The following DAB2IP variants were observed in gnomAD, a reference collection of about 807,000 sequenced individuals.
DAB2IP encodes the protein DAB2 interacting protein, also known as disabled homolog 2-interacting protein.
A neutral mutation model predicts 107.2 loss-of-function variants in DAB2IP; 28 were observed. That is an observed-to-expected ratio of 0.26 (90% CI 0.19 to 0.36). DAB2IP has a LOEUF of 0.36. Among genes scored for constraint, DAB2IP ranks in the 10% least tolerant of loss-of-function variants. The pLI is 1.00. For synonymous variants in DAB2IP, 755 were observed against 706.4 expected (o/e 1.07, Z -1.09); for missense variants, 1,400 against 1,644.7 (o/e 0.85, Z 2.57).
intron 2 of DAB2IP, among the ~76,000 whole-genome samples, chr9:121,682,430 C>A (rs1366575360): frequency 6.6e-6 from 1 of 152,210 alleles, no homozygotes; most frequent in Non-Finnish European, 1.5e-5. Flanking sequence ...GCCTGTCCAC[C>A]TTCTCCATGG....
intron 3 of DAB2IP, among the ~76,000 whole-genome samples, chr9:121,743,881 C>T (rs1185189892): frequency 6.6e-6 from 1 of 152,234 alleles, no homozygotes; most frequent in South Asian, 2.1e-4. Context: ...CCCTGCCCCT[C>T]TACGCAGACA....
At position 121,699,216 on chromosome 9, in the gene DAB2IP, C is replaced by T. The variant is rs1302802529; in HGVS notation, c.229-109C>T. ...GGGGCCGAGCCCGAGCCCGGCCCGC[C>T]CTCGGCCGCGCGGCCGCCCAGCAAG... On this transcript the variant is annotated intron_variant, in intron 2 of 15. Transcript: ENST00000408936. The surrounding 1 kb of genome is among the most constrained non-coding windows in gnomAD (Gnocchi z 6.2). 9 of 997,404 alleles carry T rather than the reference C, an allele frequency of 9.0e-6. No individual in the cohort carries two copies. The highest frequency in any genetic ancestry group is 1.1e-5 in the Non-Finnish European group (9 of 839,522). The allele number at this position is 997,404 out of a possible 1,614,324, so 61.8% of individuals were successfully genotyped here. A position where few individuals can be genotyped will look rare whatever the true frequency, so the allele number is the denominator to read the frequency against.
intron 1 of DAB2IP, among the ~76,000 whole-genome samples, chr9:121,571,939 C>T (rs1829953972): frequency 6.6e-6 from 1 of 151,862 alleles, no homozygotes; most frequent in African/African-American, 2.4e-5. Context: ...CCCTGCAGAG[C>T]CCTTGTGATT....
intron 3 of DAB2IP, chr9:121,751,758 G>A (rs76217455): frequency 0.022 from 3,772 of 169,098 alleles, 167 homozygotes; most frequent in African/African-American, 0.085. Flanking sequence ...CATGCCAGGC[G>A]GAGTGGCTTG....
chr9:121,767,177 G>C (rs1196245957), intron 9 of DAB2IP, among the ~76,000 whole-genome samples: 1 of 152,228 alleles, frequency 6.6e-6, no homozygotes, highest in Admixed American at 6.5e-5. Flanking sequence ...GGATGTCTTT[G>C]CTGATAAAGC....
At chr9:121,603,021 T>C (rs926537958) in intron 1 of DAB2IP, among the ~76,000 whole-genome samples, 3 of 152,210 alleles carry the variant, frequency 2.0e-5, no homozygotes, top group African/African-American at 7.2e-5. Flanking sequence ...GCTCAGTTTT[T>C]TCACCCAGAG....
At chr9:121,604,162 G>A (rs559022344) in intron 1 of DAB2IP, among the ~76,000 whole-genome samples, 4 of 152,282 alleles carry the variant, frequency 2.6e-5, no homozygotes, top group African/African-American at 9.6e-5. Context: ...CCCACTGCAG[G>A]CCCTCTCAGC....
chr9:121,582,082 A>AG (rs1374911611), intron 1 of DAB2IP, among the ~76,000 whole-genome samples: 1 of 152,030 alleles, frequency 6.6e-6, no homozygotes, highest in Non-Finnish European at 1.5e-5. Context: ...TGGGGCCAAG[A>AG]GGGGCTGCAG....
chr9:121,673,448 A>G (rs909998071), intron 1 of DAB2IP, among the ~76,000 whole-genome samples: 9 of 152,224 alleles, frequency 5.9e-5, no homozygotes, highest in African/African-American at 2.2e-4. Context: ...AAGGGTCCAG[A>G]ACATGCATTC....
intron 1 of DAB2IP, among the ~76,000 whole-genome samples, chr9:121,587,379 G>A (rs985437303): frequency 3.3e-5 from 5 of 152,154 alleles, no homozygotes; most frequent in African/African-American, 9.6e-5. Flanking sequence ...AGGCTGAGGC[G>A]GGCAGATTGC....
intron 1 of DAB2IP, among the ~76,000 whole-genome samples, chr9:121,618,139 G>A (rs1441987466): frequency 6.6e-6 from 1 of 152,130 alleles, no homozygotes; most frequent in African/African-American, 2.4e-5. Context: ...AAAACCCAAG[G>A]AGGCCCAAAT....
chr9:121,588,665 G>A (rs920145940), intron 1 of DAB2IP, among the ~76,000 whole-genome samples: 1 of 128,136 alleles, frequency 7.8e-6, no homozygotes, highest in South Asian at 2.5e-4. Flanking sequence ...AGCAGGACTG[G>A]GCAGGAGGAG....
At chr9:121,663,164 G>A (rs573358959) in intron 1 of DAB2IP, among the ~76,000 whole-genome samples, 15 of 152,286 alleles carry the variant, frequency 9.8e-5, no homozygotes, top group African/African-American at 3.6e-4. Context: ...AAAAGCAATT[G>A]TTAGGGAGCT....
intron 1 of DAB2IP, among the ~76,000 whole-genome samples, chr9:121,587,700 C>T (rs1206560794): frequency 2.0e-5 from 3 of 151,194 alleles, no homozygotes; most frequent in Admixed American, 1.3e-4. Flanking sequence ...AGGGTTTGGA[C>T]AATGGGGAGC....
At chr9:121,747,109 G>A (rs908013622) in intron 3 of DAB2IP, among the ~76,000 whole-genome samples, 2 of 152,182 alleles carry the variant, frequency 1.3e-5, no homozygotes, top group Non-Finnish European at 2.9e-5. Context: ...TGGGGTTGGA[G>A]CCCCAGGTGC....
intron 1 of DAB2IP, among the ~76,000 whole-genome samples, chr9:121,601,655 G>C (rs1830686234): frequency 1.3e-5 from 2 of 152,134 alleles, no homozygotes. Flanking sequence ...GCCAGACCCT[G>C]CCCTGAGGAC....
At chr9:121,740,014 T>G (rs1277771535) in intron 3 of DAB2IP, among the ~76,000 whole-genome samples, 5 of 152,090 alleles carry the variant, frequency 3.3e-5, no homozygotes, top group Non-Finnish European at 4.4e-5. Context: ...ATGAAGGCCT[T>G]TGGTGTCCTC....
At chr9:121,585,589 G>T (rs992180446) in intron 1 of DAB2IP, among the ~76,000 whole-genome samples, 1 of 152,218 alleles carries the variant, frequency 6.6e-6, no homozygotes, top group East Asian at 1.9e-4. Flanking sequence ...GGGCGCGGTG[G>T]CTCACGCCTA....
chr9:121,678,799 A>G lies in DAB2IP; in HGVS notation c.228+18A>G. 5.2e-6 allele frequency: 8 copies of G among 1,543,020 alleles called. No homozygotes were observed. The highest frequency in any genetic ancestry group is 7.0e-6 in the Non-Finnish European group (8 of 1,138,800). On this transcript the variant is annotated intron_variant, in intron 2 of 15. Transcript: ENST00000408936. Reference sequence around the variant, plus strand: ...GGGTCACGGTAACTATCTCTGCGTCACCAACACCGCCACTGCCACCACCAT... The same window carrying G: ...GGGTCACGGTAACTATCTCTGCGTCGCCAACACCGCCACTGCCACCACCAT...
Sources: gnomAD v4.1 joint callset for allele counts (sites outside exome capture counted in the v4.1 genomes callset) on GRCh38, gnomAD v4.1.1 for gene constraint, Gnocchi (gnomAD v3.1) non-coding constraint, MANE v1.5 for transcripts, NCBI Gene and HGNC (gene_info 2026-07-23, HGNC 2026-07-21) for gene names.